GLIS3: variants seen among roughly 807,000 people sequenced by gnomAD.
GLIS3 encodes GLIS family zinc finger 3.
GLIS3 carries 53 observed loss-of-function variants against 78.6 expected under a neutral mutation model. The observed-to-expected ratio is 0.67, with a 90% CI of 0.54 to 0.85. GLIS3 has a LOEUF of 0.85. Among genes scored for constraint, GLIS3 ranks in the 40% least tolerant of loss-of-function variants. The pLI is 0.00. For missense variants in GLIS3, 1,703 were observed against 1,231.1 expected, an observed-to-expected ratio of 1.38 and a Z score of -5.74; for synonymous variants, 684 against 509.9, an observed-to-expected ratio of 1.34 and a Z score of -4.60.
At chr9:4,157,244 T>C (rs1421748302) in intron 2 of GLIS3, among the ~76,000 whole-genome samples, 4 of 152,180 alleles carry the variant, frequency 2.6e-5, no homozygotes, top group South Asian at 2.1e-4. Flanking sequence ...AAGATGGCCA[T>C]TGATAAAGGT....
At chr9:3,857,285 G>T (rs577684104) in intron 8 of GLIS3, among the ~76,000 whole-genome samples, 1 of 152,316 alleles carries the variant, frequency 6.6e-6, no homozygotes, top group South Asian at 2.1e-4. Flanking sequence ...GCAGTAACAC[G>T]TATAGGTCAC....
In GLIS3 at chr9:4,049,286, T is replaced by G. The variant is rs565771900; in HGVS notation, c.1710+68482A>C. 2.0e-4 allele frequency among the ~76,000 whole-genome samples: 31 copies of G among 152,310 alleles called. No individual in the cohort carries two copies. The Middle Eastern group carries it at 0.01, about 50-fold the overall frequency. ...GGTAAATAACCTCTGCCTTGATACC[T>G]AAGATCCCCCTGCTACTGGCCTGGC... On this transcript the variant is annotated intron_variant, in intron 4 of 10. Coordinates refer to ENST00000381971, the MANE Select transcript of GLIS3 (RefSeq NM_001042413.2).
rs765937002 is a variant in GLIS3, at chr9:3,827,943, C to T, written c.*329G>A. On this transcript the variant is annotated 3_prime_UTR_variant, in exon 11 of 11. Coordinates refer to ENST00000381971, the MANE Select transcript of GLIS3 (RefSeq NM_001042413.2). Reference sequence around the variant, plus strand: ...TAGAGTCATCCCCAAACTACATTTTCATATGCACATCATTTCACTGGGGTC... The same window carrying T: ...TAGAGTCATCCCCAAACTACATTTTTATATGCACATCATTTCACTGGGGTC... The T allele has an allele frequency of 4.9e-5, 18 of 368,388 alleles. No homozygotes were observed. The highest frequency in any genetic ancestry group is 3.4e-4 in the South Asian group (14 of 41,446). The allele number at this position is 368,388 out of a possible 1,614,324, so 22.8% of individuals were successfully genotyped here. A position where few individuals can be genotyped will look rare whatever the true frequency, so the allele number is the denominator to read the frequency against.
the GLIS3 span, among the ~76,000 whole-genome samples, chr9:4,358,297 C>G: frequency 6.6e-6 from 1 of 150,892 alleles, no homozygotes; most frequent in Non-Finnish European, 1.5e-5. Flanking sequence ...TTTTTTTTAA[C>G]CATGGCCTAG....
chr9:3,985,279 ACCACAGGTG>A (rs1158681398), intron 4 of GLIS3, among the ~76,000 whole-genome samples: 1 of 152,026 alleles, frequency 6.6e-6, no homozygotes, highest in East Asian at 1.9e-4. Flanking sequence ...AGTAGCTGGG[ACCACAGGTG>A]TGTGCTACCA....
chr9:4,209,137 C>T (rs920345027), intron 2 of GLIS3, among the ~76,000 whole-genome samples: 2 of 152,112 alleles, frequency 1.3e-5, no homozygotes, highest in African/African-American at 2.4e-5. Flanking sequence ...TCAAAATGGA[C>T]GCTCATGCAC....
chr9:3,874,235 A>G (rs1821154481), intron 8 of GLIS3, among the ~76,000 whole-genome samples: 1 of 152,196 alleles, frequency 6.6e-6, no homozygotes, highest in African/African-American at 2.4e-5. Flanking sequence ...CCGATGGCCA[A>G]TGATGTAATC....
intron 4 of GLIS3, among the ~76,000 whole-genome samples, chr9:3,991,906 A>T (rs1751569): frequency 1.3e-5 from 2 of 151,692 alleles, no homozygotes; most frequent in African/African-American, 4.9e-5. Flanking sequence ...TGGCCAGGAC[A>T]GTCTTGATCT....
chr9:4,189,896 G>A (rs1186897672), intron 2 of GLIS3, among the ~76,000 whole-genome samples: 3 of 151,830 alleles, frequency 2.0e-5, no homozygotes, highest in Non-Finnish European at 4.4e-5. Flanking sequence ...GTGTCTGCAC[G>A]TGTGCTGCTG....
At chr9:4,453,431 T>C in the GLIS3 span, among the ~76,000 whole-genome samples, 1 of 148,542 alleles carries the variant, frequency 6.7e-6, no homozygotes, top group Non-Finnish European at 1.5e-5. Flanking sequence ...AATCTACCCA[T>C]CTGACAGAGG....
chr9:4,218,342 G>A (rs376842941), intron 2 of GLIS3, among the ~76,000 whole-genome samples: 9 of 151,868 alleles, frequency 5.9e-5, no homozygotes, highest in Non-Finnish European at 1.0e-4. Context: ...GCAGTGGTGC[G>A]ATCTCGGCTC....
intron 2 of GLIS3, among the ~76,000 whole-genome samples, chr9:4,180,932 C>T (rs1292894192): frequency 6.6e-6 from 1 of 152,168 alleles, no homozygotes; most frequent in East Asian, 1.9e-4. Context: ...TGACTGCCAC[C>T]ATCTCCCTGG....
At chr9:4,280,076 G>T (rs902155384) in intron 2 of GLIS3, among the ~76,000 whole-genome samples, 5 of 152,234 alleles carry the variant, frequency 3.3e-5, no homozygotes, top group Non-Finnish European at 7.3e-5. Context: ...CTTGAGTGCA[G>T]TGGCACAATC....
chr9:4,342,230 C>T (rs995194736), intron 2 of GLIS3, among the ~76,000 whole-genome samples: 1 of 152,120 alleles, frequency 6.6e-6, no homozygotes, highest in Non-Finnish European at 1.5e-5. Context: ...TTGGGTTTTA[C>T]ATTTAGGTCT....
chr9:3,913,593 G>A lies in GLIS3; in HGVS notation c.1984-14758C>T, dbSNP rs113665839. On this transcript the variant is annotated intron_variant, in intron 6 of 10. Transcript: ENST00000381971. ...GAGTCCCCTTTTCTCTGGACTCTAC[G>A]TATCTACAATAAATTCTGCATATTC... is the stretch of plus-strand genomic sequence containing the variant. 5.9e-3 allele frequency among the ~76,000 whole-genome samples: 892 copies of A among 152,234 alleles called. 19 individuals carry two copies. The highest frequency in any genetic ancestry group is 0.021 in the African/African-American group (852 of 41,542).
chr9:4,474,995 CTT>C, the GLIS3 span, among the ~76,000 whole-genome samples: 164 of 81,432 alleles, frequency 2.0e-3, no homozygotes, highest in African/African-American at 5.7e-3. Flanking sequence ...ATTTTTTTTT[CTT>C]TTTTTTTTTT....
intron 2 of GLIS3, among the ~76,000 whole-genome samples, chr9:4,146,228 T>C (rs1412893501): frequency 6.6e-6 from 1 of 152,194 alleles, no homozygotes; most frequent in Non-Finnish European, 1.5e-5. Context: ...TTTGTGTCTT[T>C]AATGTTGAAG....
chr9:4,260,107 C>A (rs1381461168), intron 2 of GLIS3, among the ~76,000 whole-genome samples: 1 of 152,216 alleles, frequency 6.6e-6, no homozygotes, highest in Admixed American at 6.5e-5. Flanking sequence ...AATCCCCATA[C>A]CCTTCAGCTG....
At chr9:4,015,422 G>A (rs1004335805) in intron 4 of GLIS3, among the ~76,000 whole-genome samples, 3 of 152,162 alleles carry the variant, frequency 2.0e-5, no homozygotes, top group Non-Finnish European at 2.9e-5. Flanking sequence ...AAAAAAGACA[G>A]AGGAAACTCT....
Sources: allele counts gnomAD v4.1 joint callset (sites outside exome capture counted in the v4.1 genomes callset), GRCh38; gene constraint gnomAD v4.1.1; transcripts MANE v1.5; gene names NCBI Gene and HGNC (gene_info 2026-07-23, HGNC 2026-07-21).